Variants in PRKCA observed in about 807,000 individuals in gnomAD.
The protein encoded by PRKCA is protein kinase C alpha, also known as protein kinase C alpha type.
A neutral mutation model predicts 87.0 loss-of-function variants in PRKCA; 27 were observed. That is an observed-to-expected ratio of 0.31 (90% CI 0.23 to 0.43). The LOEUF is 0.43. PRKCA is among the 20% of genes least tolerant of loss of function. PRKCA has a pLI of 1.00. For synonymous variants in PRKCA, 329 were observed against 311.1 expected (o/e 1.06, Z -0.61); for missense variants, 518 against 852.3 (o/e 0.61, Z 4.88).
chr17:66,627,277 AAGTCTCTGATGC>A (rs1263627794), intron 3 of PRKCA, among the ~76,000 whole-genome samples: 1 of 152,126 alleles, frequency 6.6e-6, no homozygotes, highest in East Asian at 1.9e-4. Flanking sequence ...GTAGGATTGG[AAGTCTCTGATGC>A]TGTCCTGGGG....
At chr17:66,653,791 T>TAAAAAAA (rs550316151) in intron 5 of PRKCA, among the ~76,000 whole-genome samples, 52 of 102,474 alleles carry the variant, frequency 5.1e-4, no homozygotes, top group African/African-American at 6.9e-4. Flanking sequence ...TTCCAGCTCT[T>TAAAAAAA]AAAAAAAAAA....
chr17:66,796,408 AT>A, intron 16 of PRKCA: 1 of 983,426 alleles, frequency 1.0e-6, no homozygotes, highest in Non-Finnish European at 1.2e-6. Flanking sequence ...GGAACTGACT[AT>A]TCTCCAAATC....
intron 2 of PRKCA, among the ~76,000 whole-genome samples, chr17:66,466,538 A>C (rs911184418): frequency 4.6e-5 from 7 of 152,230 alleles, no homozygotes; most frequent in African/African-American, 1.4e-4. Flanking sequence ...TCCTTACCTC[A>C]AAATGGAAGA....
At chr17:66,449,419 A>G (rs1425099799) in intron 2 of PRKCA, among the ~76,000 whole-genome samples, 3 of 152,234 alleles carry the variant, frequency 2.0e-5, no homozygotes, top group East Asian at 3.9e-4. Flanking sequence ...TGTGTATATT[A>G]CTTTCAGCAA....
intron 10 of PRKCA, among the ~76,000 whole-genome samples, chr17:66,736,776 G>C (rs192076373): frequency 6.6e-6 from 1 of 152,212 alleles, no homozygotes; most frequent in African/African-American, 2.4e-5. Flanking sequence ...ATCGTGACAC[G>C]TGAAAATTAG....
At chr17:66,347,433 A>G (rs1196191371) in intron 2 of PRKCA, among the ~76,000 whole-genome samples, 1 of 152,210 alleles carries the variant, frequency 6.6e-6, no homozygotes, top group African/African-American at 2.4e-5. Flanking sequence ...GATACTTTTG[A>G]TAGTGGTCGT....
chr17:66,788,774 G>T, intron 15 of PRKCA, 65 bp from the exon 16 acceptor site: 1 of 1,565,804 alleles, frequency 6.4e-7, no homozygotes. Context: ...CTAGGCAAAT[G>T]GAAGGTGCTG....
chr17:66,810,492 A>G lies in PRKCA; in HGVS notation c.*6455A>G, dbSNP rs1375067144. On this transcript the variant is annotated 3_prime_UTR_variant, in exon 17 of 17. Transcript: ENST00000413366. ...AATTGAAAAACATCATATAAGCCCC[A>G]ACTTTGTTTGGAGGAAGAGACGGAG... The G allele has an allele frequency of 6.6e-6, 1 of 152,188 alleles. No homozygotes were observed. The highest frequency in any genetic ancestry group is 2.4e-5 in the African/African-American group (1 of 41,456). 9.4% of individuals were successfully genotyped at this position (152,188 alleles called of 1,614,324 possible).
At chr17:66,424,677 TCTG>T (rs1373639059) in intron 2 of PRKCA, among the ~76,000 whole-genome samples, 1 of 151,866 alleles carries the variant, frequency 6.6e-6, no homozygotes, top group Non-Finnish European at 1.5e-5. Flanking sequence ...CCATAAATAT[TCTG>T]AATTTGTCTT....
At chr17:66,745,663 G>C (rs1196859531) in intron 13 of PRKCA, among the ~76,000 whole-genome samples, 1 of 152,056 alleles carries the variant, frequency 6.6e-6, no homozygotes, top group Non-Finnish European at 1.5e-5. Flanking sequence ...CCTGGGCAAC[G>C]GAGTGAGACA....
rs1475651874 is a variant in PRKCA, at chr17:66,705,363, A to AG, written c.918+16317dup. 2.0e-5 allele frequency among the ~76,000 whole-genome samples: 3 copies of AG among 152,220 alleles called. 1 individual carries two copies. Among genetic ancestry groups the AG allele is most frequent in the African/African-American group, 7.2e-5 (3 of 41,458 alleles). On this transcript the variant is annotated intron_variant, in intron 8 of 16. Transcript: ENST00000413366. ...CAGCTGAGCAGACCCAAAGGAAGCA[A>AG]GACAGCCTCTGAAAGCAACTGTACA...
chr17:66,589,761 C>A (rs1021029641), intron 3 of PRKCA, among the ~76,000 whole-genome samples: 1 of 152,150 alleles, frequency 6.6e-6, no homozygotes. Context: ...TCCCTTGTGT[C>A]AGGGGCTCAT....
intron 2 of PRKCA, chr17:66,414,974 A>T (rs1257135069): frequency 6.6e-6 from 1 of 152,130 alleles, no homozygotes; most frequent in African/African-American, 2.4e-5. Flanking sequence ...ATGTACCTGG[A>T]GAAAAAGGCC....
chr17:66,377,169 G>A (rs1365663347), intron 2 of PRKCA, among the ~76,000 whole-genome samples: 1 of 152,124 alleles, frequency 6.6e-6, no homozygotes, highest in African/African-American at 2.4e-5. Flanking sequence ...GGAATTACAG[G>A]TGTGTGCCAC....
chr17:66,589,168 C>T (rs553060817), intron 3 of PRKCA, among the ~76,000 whole-genome samples: 1 of 152,222 alleles, frequency 6.6e-6, no homozygotes, highest in Non-Finnish European at 1.5e-5. Context: ...CACCTACCAG[C>T]TCATGGGTGA....
At chr17:66,482,863 C>T (rs1318959667) in intron 2 of PRKCA, among the ~76,000 whole-genome samples, 1 of 152,214 alleles carries the variant, frequency 6.6e-6, no homozygotes, top group Non-Finnish European at 1.5e-5. Context: ...TTGAATTTGG[C>T]AACTTCTATT....
At position 66,796,433 on chromosome 17, in the gene PRKCA, G is replaced by A. The variant is rs111896796; in HGVS notation, c.1855-7440G>A. The A allele has an allele frequency of 3.6e-4, 359 of 985,046 alleles. 1 individual carries two copies. The African/African-American group carries it at 5.5e-3, about 15-fold the overall frequency. 61.0% of individuals were successfully genotyped at this position (985,046 alleles called of 1,614,324 possible). On this transcript the variant is annotated intron_variant, in intron 16 of 16. Coordinates refer to ENST00000413366, the MANE Select transcript of PRKCA (RefSeq NM_002737.3). ...ATTCTCCAAATCCTCTCCTTTGTCC[G>A]TTCTTATTCTCCAGACTTTGTGTAC...
chr17:66,804,124 A>G lies in PRKCA; in HGVS notation c.*87A>G, dbSNP rs1343908103. The G allele has an allele frequency of 2.7e-6, 4 of 1,503,466 alleles. No individual in the cohort carries two copies. In the South Asian group the frequency reaches 3.9e-5, roughly 15 times the overall value. 93.1% of individuals were successfully genotyped at this position (1,503,466 alleles called of 1,614,324 possible). A position where few individuals can be genotyped will look rare whatever the true frequency, so the allele number is the denominator to read the frequency against. On this transcript the variant is annotated 3_prime_UTR_variant, in exon 17 of 17. Coordinates refer to ENST00000413366, the MANE Select transcript of PRKCA (RefSeq NM_002737.3). Reference sequence around the variant, plus strand: ...TCCTTAACCCTAAAATTTTAAGGCCACGGCCTTGTGTCTGATTCCATATGG... The same window carrying G: ...TCCTTAACCCTAAAATTTTAAGGCCGCGGCCTTGTGTCTGATTCCATATGG...
At chr17:66,652,596 C>T (rs9905256) in intron 5 of PRKCA, among the ~76,000 whole-genome samples, 3 of 151,870 alleles carry the variant, frequency 2.0e-5, no homozygotes, top group Admixed American at 6.6e-5. Flanking sequence ...AAGAAGAGAG[C>T]GTGTGTGCAG....
Sources: gnomAD v4.1 joint callset for allele counts (sites outside exome capture counted in the v4.1 genomes callset) on GRCh38, gnomAD v4.1.1 for gene constraint, MANE v1.5 for transcripts, NCBI Gene and HGNC (gene_info 2026-07-23, HGNC 2026-07-21) for gene names.